Variants in TRAF3 observed in about 807,000 individuals in gnomAD.
TRAF3 encodes TNF receptor-associated factor 3.
A neutral mutation model predicts 62.3 loss-of-function variants in TRAF3; 13 were observed. That is an observed-to-expected ratio of 0.21 (90% CI 0.14 to 0.33). The LOEUF (loss-of-function observed/expected upper bound fraction) is 0.33. Among genes scored for constraint, TRAF3 ranks in the 10% least tolerant of loss-of-function variants. The pLI is 1.00. For synonymous variants in TRAF3, 269 were observed against 283.4 expected (o/e 0.95, Z 0.51); for missense variants, 440 against 741.8 (o/e 0.59, Z 4.73).
chr14:102,798,650 T>A (rs532317595), intron 1 of TRAF3, among the ~76,000 whole-genome samples: 11 of 151,880 alleles, frequency 7.2e-5, no homozygotes, highest in African/African-American at 2.4e-4. Context: ...AAAAACAAAA[T>A]TTTTTTTGTA....
chr14:102,839,972 T>C (rs371261091), intron 2 of TRAF3, among the ~76,000 whole-genome samples: 3 of 152,130 alleles, frequency 2.0e-5, no homozygotes, highest in Non-Finnish European at 4.4e-5. Context: ...CAAACTCTTA[T>C]AGTGATAAGG....
chr14:102,887,166 G>A lies in TRAF3; in HGVS notation c.651+897G>A, dbSNP rs562548691. On this transcript the variant is annotated intron_variant, in intron 7 of 11. Transcript: ENST00000392745. ...TTAATGTTTCTGCATCTGTCCTGAC[G>A]GGGAGCTCCTTTAGTTAGTATTCTG... is the stretch of plus-strand genomic sequence containing the variant. 5.3e-5 allele frequency among the ~76,000 whole-genome samples: 8 copies of A among 152,320 alleles called. No individual in the cohort carries two copies. In the East Asian group the frequency reaches 9.6e-4, roughly 18 times the overall value.
At chr14:102,791,994 T>G (rs924702936) in intron 1 of TRAF3, among the ~76,000 whole-genome samples, 1 of 151,876 alleles carries the variant, frequency 6.6e-6, no homozygotes, top group Non-Finnish European at 1.5e-5. Context: ...TTTTATTTTT[T>G]ATTTTTGGTA....
chr14:102,895,334 A>G (rs912107715), intron 9 of TRAF3: 9 of 271,898 alleles, frequency 3.3e-5, no homozygotes, highest in African/African-American at 1.8e-4. Context: ...TAGTAAATAC[A>G]TACTTGTTTT....
intron 1 of TRAF3, among the ~76,000 whole-genome samples, chr14:102,819,591 C>A (rs1322617386): frequency 3.3e-5 from 5 of 152,212 alleles, no homozygotes; most frequent in African/African-American, 7.2e-5. Context: ...TCATTTACAT[C>A]TCAGGTGTTA....
intron 1 of TRAF3, among the ~76,000 whole-genome samples, chr14:102,780,665 G>A (rs1897237888): frequency 6.6e-6 from 1 of 152,078 alleles, no homozygotes; most frequent in African/African-American, 2.4e-5. Flanking sequence ...GCTGCATTCT[G>A]TATTCCTCGA....
intron 1 of TRAF3, among the ~76,000 whole-genome samples, chr14:102,777,883 C>T (rs1187788856): frequency 6.7e-6 from 1 of 148,870 alleles, no homozygotes; most frequent in African/African-American, 2.4e-5. Context: ...GGCTGCCTCC[C>T]GCCTCCGGAC....
intron 1 of TRAF3, among the ~76,000 whole-genome samples, chr14:102,829,821 CTGTT>C (rs779583053): frequency 1.4e-4 from 21 of 152,236 alleles, no homozygotes; most frequent in Non-Finnish European, 2.2e-4. Context: ...GATCTGTTTG[CTGTT>C]TGTTAGAAAT....
chr14:102,829,473 C>G lies in TRAF3; in HGVS notation c.-156-861C>G, dbSNP rs114135321. Among the ~76,000 whole-genome samples, 1,032 of 152,324 alleles carry G rather than the reference C, an allele frequency of 6.8e-3. 9 individuals carry two copies. The highest frequency in any genetic ancestry group is 0.023 in the African/African-American group (971 of 41,550). ...TAGTTTTCAACTTCAGGCTGAGGAA[C>G]TAGCCTGTGTGTGTGTGATGACCTG... On this transcript the variant is annotated intron_variant, in intron 1 of 11. Transcript: ENST00000392745.
intron 1 of TRAF3, among the ~76,000 whole-genome samples, chr14:102,814,684 A>C (rs2139540966): frequency 6.6e-6 from 1 of 151,890 alleles, no homozygotes; most frequent in Non-Finnish European, 1.5e-5. Flanking sequence ...ACATCTGGCT[A>C]ATTTTTTGTA....
chr14:102,809,459 C>T (rs534874886), intron 1 of TRAF3, among the ~76,000 whole-genome samples: 171 of 151,106 alleles, frequency 1.1e-3, no homozygotes, highest in Non-Finnish European at 2.0e-3. Flanking sequence ...CTCTGTGTCT[C>T]CTGGAAATGG....
At chr14:102,848,118 C>G (rs1462521313) in intron 2 of TRAF3, among the ~76,000 whole-genome samples, 3 of 152,206 alleles carry the variant, frequency 2.0e-5, no homozygotes, top group Admixed American at 2.0e-4. Flanking sequence ...GAACTATTTG[C>G]TCCTTAACAT....
intron 1 of TRAF3, among the ~76,000 whole-genome samples, chr14:102,816,877 AGCG>A (rs1899562663): frequency 6.6e-6 from 1 of 152,252 alleles, no homozygotes; most frequent in Admixed American, 6.5e-5. Flanking sequence ...TTCTGAATCT[AGCG>A]CATGCAGACT....
At chr14:102,886,415 G>A (rs917276877) in intron 7 of TRAF3, 146 bp downstream of exon 7, 1 of 725,088 alleles carries the variant, frequency 1.4e-6, no homozygotes, top group Non-Finnish European at 2.3e-6. Flanking sequence ...ACAGCAAAAA[G>A]CCTTATGCCA....
intron 6 of TRAF3, among the ~76,000 whole-genome samples, chr14:102,884,224 A>G (rs1353936257): frequency 6.6e-6 from 1 of 152,006 alleles, no homozygotes; most frequent in Non-Finnish European, 1.5e-5. Flanking sequence ...CACCACTCCA[A>G]CCTCTGCCCT....
At chr14:102,868,587 A>G (rs1274728839) in intron 2 of TRAF3, among the ~76,000 whole-genome samples, 4 of 152,234 alleles carry the variant, frequency 2.6e-5, no homozygotes, top group African/African-American at 9.6e-5. Context: ...TGACCTAAAC[A>G]CTGGCCGACA....
intron 9 of TRAF3, among the ~76,000 whole-genome samples, chr14:102,895,775 A>C (rs1181691500): frequency 6.6e-6 from 1 of 152,210 alleles, no homozygotes; most frequent in Non-Finnish European, 1.5e-5. Context: ...ATTATCTTTC[A>C]GAAAGATTTT....
chr14:102,823,656 T>C (rs955328107), intron 1 of TRAF3, among the ~76,000 whole-genome samples: 3 of 152,224 alleles, frequency 2.0e-5, no homozygotes, highest in Non-Finnish European at 4.4e-5. Context: ...TTTTAATTGA[T>C]TGGGTGACCT....
At chr14:102,878,975 T>C (rs1888882113) in intron 6 of TRAF3, among the ~76,000 whole-genome samples, 1 of 151,722 alleles carries the variant, frequency 6.6e-6, no homozygotes, top group Admixed American at 6.6e-5. Flanking sequence ...TGACTCCCAG[T>C]GCTTGTGGAG....
Sources: gnomAD v4.1 joint callset for allele counts (sites outside exome capture counted in the v4.1 genomes callset) on GRCh38, gnomAD v4.1.1 for gene constraint, MANE v1.5 for transcripts, NCBI Gene and HGNC (gene_info 2026-07-23, HGNC 2026-07-21) for gene names.